Variants in ZFHX3 observed in about 807,000 individuals in gnomAD.
ZFHX3 encodes the protein zinc finger homeobox protein 3.
In ZFHX3, 42 loss-of-function variants were observed where a neutral mutation model predicts 279.1. The observed-to-expected ratio is 0.15, with a 90% CI of 0.12 to 0.19. The LOEUF is 0.19. Ranked by LOEUF, ZFHX3 falls within the 10% of genes least tolerant of loss-of-function variation. The pLI, the probability that ZFHX3 is intolerant of heterozygous loss-of-function variation, is 1.00. For missense variants in ZFHX3, 4,981 were observed against 4,754.0 expected (o/e 1.05, Z -1.40); for synonymous variants, 2,293 against 1,957.8 (o/e 1.17, Z -4.52).
At chr16:72,808,932 T>C (rs2036354659) in intron 7 of ZFHX3, among the ~76,000 whole-genome samples, 1 of 152,204 alleles carries the variant, frequency 6.6e-6, no homozygotes. Context: ...CATGAGAGTC[T>C]CCATAAAGGT....
intron 1 of ZFHX3, among the ~76,000 whole-genome samples, chr16:73,868,929 C>A (rs1296540527): frequency 1.3e-5 from 2 of 152,102 alleles, no homozygotes; most frequent in Non-Finnish European, 2.9e-5. Context: ...TTCATTCTTT[C>A]TCATGATTTC....
At chr16:73,153,287 A>G (rs1336726694) in intron 5 of ZFHX3, among the ~76,000 whole-genome samples, 2 of 152,156 alleles carry the variant, frequency 1.3e-5, no homozygotes, top group Non-Finnish European at 2.9e-5. Flanking sequence ...ATTTAAGTTT[A>G]TTTTATGTTT....
chr16:73,480,014 C>G (rs184253665), intron 2 of ZFHX3, among the ~76,000 whole-genome samples: 8 of 152,158 alleles, frequency 5.3e-5, no homozygotes, highest in Non-Finnish European at 1.2e-4. Flanking sequence ...GACCTGATGC[C>G]GGTTTTGTTC....
chr16:73,624,185 G>A (rs932864931), intron 2 of ZFHX3, among the ~76,000 whole-genome samples: 1 of 152,076 alleles, frequency 6.6e-6, no homozygotes, highest in African/African-American at 2.4e-5. Context: ...ACATTACATG[G>A]TGCCAGAAAA....
At chr16:72,866,622 C>T (rs1481205354) in intron 4 of ZFHX3, among the ~76,000 whole-genome samples, 5 of 152,066 alleles carry the variant, frequency 3.3e-5, no homozygotes, top group Non-Finnish European at 5.9e-5. Context: ...ATCTGAAAGC[C>T]CCCAGTCTTC....
At chr16:73,712,225 A>G (rs572121966) in intron 1 of ZFHX3, among the ~76,000 whole-genome samples, 22 of 135,554 alleles carry the variant, frequency 1.6e-4, no homozygotes, top group Middle Eastern at 7.0e-3. Flanking sequence ...CTGCAGTTTT[A>G]AAAAAAAACG....
intron 3 of ZFHX3, among the ~76,000 whole-genome samples, chr16:73,359,661 G>A (rs760743002): frequency 6.6e-6 from 1 of 152,218 alleles, no homozygotes; most frequent in Non-Finnish European, 1.5e-5. Flanking sequence ...CGGACCAGCT[G>A]TGGCATGGAA....
chr16:73,813,033 A>C (rs74028495), intron 1 of ZFHX3, among the ~76,000 whole-genome samples: 17,216 of 152,166 alleles, frequency 0.11, 2,641 homozygotes, highest in African/African-American at 0.35. Flanking sequence ...CAGCTTTGGG[A>C]CTCCAATGAA....
intron 3 of ZFHX3, among the ~76,000 whole-genome samples, chr16:73,403,461 C>A (rs1241109716): frequency 6.6e-6 from 1 of 152,160 alleles, no homozygotes; most frequent in Non-Finnish European, 1.5e-5. Context: ...GGAGCGTCTG[C>A]GGGCCGGGTC....
chr16:73,064,221 A>C (rs1965719303), upstream of ZFHX3, among the ~76,000 whole-genome samples: 1 of 151,972 alleles, frequency 6.6e-6, no homozygotes, highest in Admixed American at 6.5e-5. Flanking sequence ...TAAGGAGATG[A>C]GCCGGGAAGT....
intron 5 of ZFHX3, among the ~76,000 whole-genome samples, chr16:73,170,150 G>A (rs528993019): frequency 1.1e-4 from 16 of 149,542 alleles, no homozygotes; most frequent in Admixed American, 2.0e-4. Context: ...CTGCGAAAGT[G>A]CAGACAGTCC....
intron 2 of ZFHX3, among the ~76,000 whole-genome samples, chr16:73,617,984 A>T (rs1597030581): frequency 6.6e-6 from 1 of 152,300 alleles, no homozygotes; most frequent in East Asian, 1.9e-4. Context: ...CCTACACTGC[A>T]ATAGAGCCAC....
rs537277040 is a variant in ZFHX3, at chr16:72,955,398, A to G, written c.2719+2029T>C. ...GCCCAGGACAGTGCATGATGCCCCA[A>G]AGACTCACAGACACTTGGTGTGAAA... On this transcript the variant is annotated intron_variant, in intron 2 of 9. Transcript: ENST00000268489. 1.9e-3 allele frequency among the ~76,000 whole-genome samples: 294 copies of G among 152,336 alleles called. 1 individual carries two copies. The highest frequency in any genetic ancestry group is 6.8e-3 in the African/African-American group (283 of 41,586).
chr16:73,367,704 G>A (rs747899802), intron 3 of ZFHX3, among the ~76,000 whole-genome samples: 7 of 152,086 alleles, frequency 4.6e-5, no homozygotes, highest in Non-Finnish European at 1.0e-4. Flanking sequence ...TCAAATCAAC[G>A]GTATCCTCTG....
intron 2 of ZFHX3, among the ~76,000 whole-genome samples, chr16:73,596,450 T>A (rs1010832775): frequency 3.9e-5 from 6 of 152,074 alleles, no homozygotes; most frequent in Non-Finnish European, 8.8e-5. Context: ...TCCTTTCTGA[T>A]CTCTTCCTGC....
intron 3 of ZFHX3, among the ~76,000 whole-genome samples, chr16:72,914,054 G>A (rs1221597095): frequency 2.0e-5 from 3 of 152,204 alleles, no homozygotes; most frequent in Non-Finnish European, 2.9e-5. Flanking sequence ...CAGCTATGAA[G>A]GGACAGAGGC....
chr16:72,973,773 G>A (rs1442453570), intron 1 of ZFHX3: 4 of 152,200 alleles, frequency 2.6e-5, no homozygotes, highest in Non-Finnish European at 4.4e-5. Flanking sequence ...TTGGGGAGCT[G>A]AGGCATGAGA....
chr16:73,810,324 A>C (rs1436853459), intron 1 of ZFHX3, among the ~76,000 whole-genome samples: 1 of 152,226 alleles, frequency 6.6e-6, no homozygotes, highest in Non-Finnish European at 1.5e-5. Context: ...CTGATGAAAC[A>C]TTCTCTTTCA....
chr16:73,443,579 G>A (rs2018132876), intron 3 of ZFHX3, among the ~76,000 whole-genome samples: 1 of 152,110 alleles, frequency 6.6e-6, no homozygotes, highest in Non-Finnish European at 1.5e-5. Context: ...GGAAGCCAAA[G>A]GTCAGCATTT....
Sources: allele counts gnomAD v4.1 joint callset (sites outside exome capture counted in the v4.1 genomes callset), GRCh38; gene constraint gnomAD v4.1.1; transcripts MANE v1.5; gene names NCBI Gene and HGNC (gene_info 2026-07-23, HGNC 2026-07-21).